The following PRH1 variants were observed in gnomAD, a reference collection of about 807,000 sequenced individuals.
The protein encoded by PRH1 is salivary acidic proline-rich phosphoprotein 1/2.
In PRH1, 7 loss-of-function variants were observed where a neutral mutation model predicts 7.9. The observed-to-expected ratio is 0.89, with a 90% CI of 0.50 to 1.67. PRH1 has a LOEUF of 1.67. PRH1 is among the 40% of genes most tolerant of loss of function. The probability of loss-of-function intolerance (pLI) is 0.00; values close to 1 mark genes in which losing one functional copy is unlikely to be tolerated. For synonymous variants in PRH1, 45 were observed against 80.8 expected (o/e 0.56, Z 2.38); for missense variants, 109 against 223.6 (o/e 0.49, Z 3.27).
At chr12:11,087,330 G>A (rs797012103) in intron 1 of PRH1, among the ~76,000 whole-genome samples, 976 of 84,660 alleles carry the variant, frequency 0.012, no homozygotes, top group Non-Finnish European at 0.016. Flanking sequence ...CTGCTCTCAA[G>A]GGGTCCTCCC....
chr12:11,091,585 T>G, intron 1 of PRH1: 1 of 1,342,324 alleles, frequency 7.4e-7, no homozygotes, highest in South Asian at 1.1e-5. Flanking sequence ...GATCTTGAGA[T>G]CCTTTACCAT....
At chr12:11,144,532 G>A (rs1011867092) in intron 1 of PRH1, among the ~76,000 whole-genome samples, 1 of 152,318 alleles carries the variant, frequency 6.6e-6, no homozygotes, top group South Asian at 2.1e-4. Flanking sequence ...CCAGCCATGA[G>A]AGAAAAGGGC....
chr12:10,979,096 AC>A (rs1939235807), intron 1 of PRH1, among the ~76,000 whole-genome samples: 2 of 152,172 alleles, frequency 1.3e-5, no homozygotes, highest in African/African-American at 4.8e-5. Context: ...ACCAGGGCCC[AC>A]TTGAAGACGG....
chr12:10,955,279 T>C (rs1375986535), intron 2 of PRH1, among the ~76,000 whole-genome samples: 1 of 151,918 alleles, frequency 6.6e-6, no homozygotes, highest in Non-Finnish European at 1.5e-5. Context: ...ACTAAGAAAA[T>C]ACCTTAAAAC....
intron 1 of PRH1, among the ~76,000 whole-genome samples, chr12:11,001,911 C>G (rs970325627): frequency 1.3e-5 from 2 of 151,846 alleles, no homozygotes; most frequent in Non-Finnish European, 2.9e-5. Context: ...AAAATAAAAC[C>G]TTCACTTTAG....
At chr12:10,991,737 C>A (rs1939946953) in intron 1 of PRH1, among the ~76,000 whole-genome samples, 1 of 152,086 alleles carries the variant, frequency 6.6e-6, no homozygotes, top group South Asian at 2.1e-4. Context: ...CTTGGGCAAT[C>A]TGATATTTTC....
At chr12:10,951,627 A>G (rs2135914699) in intron 2 of PRH1, among the ~76,000 whole-genome samples, 1 of 152,272 alleles carries the variant, frequency 6.6e-6, no homozygotes, top group Admixed American at 6.5e-5. Flanking sequence ...TATTTATCGA[A>G]CTGATCTCGC....
rs1555107575 is a variant in PRH1 at position 10,922,825 on chromosome 12, C to CTTTCTTT, written c.-58-38551_-58-38550insAAAGAAA. 1.4e-3 allele frequency among the ~76,000 whole-genome samples: 158 copies of CTTTCTTT among 113,574 alleles called. 3 individuals are homozygous for CTTTCTTT. The highest frequency in any genetic ancestry group is 4.3e-3 in the African/African-American group (146 of 33,674). 74.5% of individuals were successfully genotyped at this position (113,574 alleles called of 152,430 possible). On this transcript the variant is annotated intron_variant, in intron 2 of 3. Coordinates refer to the PRH1 transcript ENST00000539853. Reference sequence around the variant, plus strand: ...ATTGCATCTTTTCCATGAATTTTTTCTTTTTCTTTTTTTTGAGACGGAGTC... The same window carrying CTTTCTTT: ...ATTGCATCTTTTCCATGAATTTTTTCTTTCTTTTTTTTCTTTTTTTTGAGACGGAGTC...
intron 1 of PRH1, among the ~76,000 whole-genome samples, chr12:10,991,942 G>A (rs541538567): frequency 6.6e-6 from 1 of 152,296 alleles, no homozygotes; most frequent in East Asian, 1.9e-4. Flanking sequence ...AGATTTAATG[G>A]AGTGGTGACA....
At chr12:11,057,950 A>G (rs1943433602) in intron 1 of PRH1, among the ~76,000 whole-genome samples, 2 of 152,368 alleles carry the variant, frequency 1.3e-5, no homozygotes, top group Middle Eastern at 3.4e-3. Flanking sequence ...CTAATTTAAT[A>G]TATTAATAAT....
At chr12:11,148,794 G>A (rs1946958846) in intron 1 of PRH1, among the ~76,000 whole-genome samples, 1 of 120,970 alleles carries the variant, frequency 8.3e-6, no homozygotes, top group African/African-American at 2.8e-5. Flanking sequence ...GATGATGCTG[G>A]CCTCATAAAA....
intron 1 of PRH1, among the ~76,000 whole-genome samples, chr12:11,123,644 T>C (rs1454064098): frequency 6.6e-6 from 1 of 152,180 alleles, no homozygotes; most frequent in African/African-American, 2.4e-5. Context: ...TCTCCTCTAA[T>C]CTTACAGAAC....
In PRH1 at chr12:11,066,711, CT is replaced by C. The variant is rs565477373; in HGVS notation, n.124-19524del. On this transcript the variant is annotated intron_variant and non_coding_transcript_variant, in intron 1 of 4. Coordinates refer to the PRH1 transcript ENST00000541977. ...GCTATTTGATAAATGTGATTTCCATCTTGTTTTTTAAGTACTGGAGTTCAGG... is the reference window on the plus strand; with the variant it reads ...GCTATTTGATAAATGTGATTTCCATCTGTTTTTTAAGTACTGGAGTTCAGG... Among the ~76,000 whole-genome samples the C allele has an allele frequency of 3.8e-4, 57 of 151,320 alleles. No individual in the cohort carries two copies. The South Asian group carries it at 0.011, about 30-fold the overall frequency.
upstream of PRH1, among the ~76,000 whole-genome samples, chr12:11,047,515 CA>C (rs35592412): frequency 0.11 from 9,469 of 84,760 alleles, 333 homozygotes; most frequent in Middle Eastern, 0.2. Context: ...ATGTCAATTT[CA>C]AAAAAAAAAA....
At chr12:11,154,675 G>T (rs1249440422) in intron 1 of PRH1, among the ~76,000 whole-genome samples, 1 of 152,136 alleles carries the variant, frequency 6.6e-6, no homozygotes, top group African/African-American at 2.4e-5. Context: ...GTCTGTCTAG[G>T]CATATTGACA....
chr12:11,011,013 T>C (rs574477964), intron 1 of PRH1, among the ~76,000 whole-genome samples: 49 of 152,136 alleles, frequency 3.2e-4, no homozygotes, highest in South Asian at 1.9e-3. Flanking sequence ...TTGTAGCATA[T>C]TGTAAGGGAA....
chr12:11,055,450 G>C (rs1305726766), intron 1 of PRH1, among the ~76,000 whole-genome samples: 1 of 152,272 alleles, frequency 6.6e-6, no homozygotes, highest in Non-Finnish European at 1.5e-5. Flanking sequence ...TTCTGATTGT[G>C]CAGTAATGTT....
upstream of PRH1, among the ~76,000 whole-genome samples, chr12:10,884,868 T>G (rs1442881420): frequency 6.6e-6 from 1 of 152,182 alleles, no homozygotes; most frequent in Non-Finnish European, 1.5e-5. Context: ...TTGTCCAAAC[T>G]TCTGTGAATC....
intron 1 of PRH1, among the ~76,000 whole-genome samples, chr12:11,158,472 AT>A (rs1947318933): frequency 6.6e-6 from 1 of 152,076 alleles, no homozygotes; most frequent in Non-Finnish European, 1.5e-5. Context: ...ATATTTATTC[AT>A]ATTGCCTTGT....
Sources: gnomAD v4.1 joint callset for allele counts (sites outside exome capture counted in the v4.1 genomes callset) on GRCh38, gnomAD v4.1.1 for gene constraint, MANE v1.5 for transcripts, NCBI Gene and HGNC (gene_info 2026-07-23, HGNC 2026-07-21) for gene names.